Variants in KANSL1 observed in about 807,000 individuals in gnomAD.
The protein encoded by KANSL1 is KAT8 regulatory NSL complex subunit 1.
Under a neutral mutation model 103.6 loss-of-function variants are expected in KANSL1, and 22 were observed. The ratio of observed to expected loss-of-function variants is 0.21; its 90% confidence interval spans 0.15 to 0.30. The LOEUF is 0.30. Among genes scored for constraint, KANSL1 ranks in the 10% least tolerant of loss-of-function variants. The probability of loss-of-function intolerance (pLI) is 1.00; values close to 1 mark genes in which losing one functional copy is unlikely to be tolerated. For missense variants in KANSL1, 1,337 were observed against 1,399.8 expected, an observed-to-expected ratio of 0.96 and a Z score of 0.72; for synonymous variants, 600 against 527.6, an observed-to-expected ratio of 1.14 and a Z score of -1.88.
chr17:46,136,421 C>T (rs925151747), intron 2 of KANSL1, among the ~76,000 whole-genome samples: 5 of 152,186 alleles, frequency 3.3e-5, no homozygotes, highest in African/African-American at 9.7e-5. Flanking sequence ...TATATAGAGA[C>T]GGACCATATC....
At chr17:46,188,061 C>T (rs1443372218) in intron 1 of KANSL1, among the ~76,000 whole-genome samples, 1 of 152,172 alleles carries the variant, frequency 6.6e-6, no homozygotes, top group African/African-American at 2.4e-5. Context: ...GTTCTACATC[C>T]TAAAAGGCAC....
intron 2 of KANSL1, among the ~76,000 whole-genome samples, chr17:46,154,803 A>G (rs75788390): frequency 0.11 from 17,128 of 150,002 alleles, no homozygotes; most frequent in Non-Finnish European, 0.17. Flanking sequence ...CATATTATAC[A>G]TGGTTTATAT....
chr17:46,107,276 T>C (rs2042609090), intron 2 of KANSL1, among the ~76,000 whole-genome samples: 1 of 152,224 alleles, frequency 6.6e-6, no homozygotes, highest in South Asian at 2.1e-4. Flanking sequence ...TCTCTATTTC[T>C]TTTTACGGCA....
intron 1 of KANSL1, among the ~76,000 whole-genome samples, chr17:46,189,906 C>CA (rs55934305): frequency 0.19 from 20,946 of 112,094 alleles, 2,066 homozygotes; most frequent in East Asian, 0.46. Context: ...GACCCTGCCT[C>CA]AAAAAAAAAA....
Position 46,171,377 on chromosome 17 carries a change from G to A in KANSL1, c.767C>T (p.Ser256Phe), listed in dbSNP as rs537773238. ...CTCCAATTTGACACCCCCCAAGTTA[G>A]AGCTGGAGTCTGTACCAGGTGATAA... ...SRLSPGTDSS[S>F]NLGGVKLEGK... Residue 256 changes from serine (S) to phenylalanine (F), a missense_variant, in exon 2 of 15, where the codon TCT becomes TTT. Transcript: ENST00000432791. The A allele has an allele frequency of 4.1e-5, 66 of 1,614,174 alleles. No individual in the cohort carries two copies. In the East Asian group the frequency reaches 9.1e-4, roughly 22 times the overall value.
chr17:46,159,128 T>C (rs765714616), intron 2 of KANSL1, among the ~76,000 whole-genome samples: 2 of 152,226 alleles, frequency 1.3e-5, no homozygotes, highest in Non-Finnish European at 2.9e-5. Flanking sequence ...GGAAACTGCA[T>C]GCAATGCAGG....
chr17:46,089,448 G>A (rs1225217480), intron 3 of KANSL1, among the ~76,000 whole-genome samples: 3 of 146,528 alleles, frequency 2.0e-5, no homozygotes, highest in African/African-American at 2.5e-5. Context: ...ATGTTAATAA[G>A]CAACAAAGTA....
chr17:46,139,384 T>C (rs1227666937), intron 2 of KANSL1, among the ~76,000 whole-genome samples: 2 of 152,076 alleles, frequency 1.3e-5, no homozygotes, highest in South Asian at 2.1e-4. Context: ...GAATTCAAAA[T>C]TTTTAGTTCC....
intron 1 of KANSL1, among the ~76,000 whole-genome samples, chr17:46,218,640 G>C (rs1409495736): frequency 6.6e-6 from 1 of 152,022 alleles, no homozygotes; most frequent in Non-Finnish European, 1.5e-5. Context: ...AAAATAAGCC[G>C]GGCATGCTGG....
At position 46,039,084 on chromosome 17, in the gene KANSL1, GC is replaced by G; in HGVS notation, c.2334del (p.His779MetfsTer8). ...CTCATTTTGCTGTGGTTTGGGTCAT[GC>G]ACGGGTGGTGGTGGGTTGAGCAAGC... ...AERLLNPPPP[V>X]HDPNHSKMRL... On this transcript the variant is annotated frameshift_variant, in exon 9 of 15. Coordinates refer to ENST00000432791, the MANE Select transcript of KANSL1 (RefSeq NM_015443.4). LOFTEE classifies it high-confidence loss of function. 6.2e-7 allele frequency: 1 copy of G among 1,612,522 alleles called. No homozygotes were observed.
At chr17:46,180,111 T>G (rs193285209) in intron 1 of KANSL1, among the ~76,000 whole-genome samples, 120 of 151,868 alleles carry the variant, frequency 7.9e-4, no homozygotes, top group Admixed American at 1.3e-3. Context: ...AAAGCATATT[T>G]TAATAGAGGA....
intron 6 of KANSL1, among the ~76,000 whole-genome samples, chr17:46,062,527 T>C (rs948837067): frequency 6.6e-6 from 1 of 150,954 alleles, no homozygotes; most frequent in Admixed American, 6.6e-5. Context: ...CCCAGCTAAT[T>C]TTTGTATTTT....
chr17:46,171,873 G>A lies in KANSL1; in HGVS notation c.271C>T (p.Pro91Ser), dbSNP rs781684444. 2.5e-6 allele frequency: 4 copies of A among 1,614,258 alleles called. No individual in the cohort carries two copies. In the East Asian group the frequency reaches 8.9e-5, roughly 36 times the overall value. ...TGCAACTTCAAAGACTCCTTTGAGG[G>A]AACAGATGTTACATCAGAGCAGAGA... The part of the protein sequence containing the change: ...SYLCSDVTSV[P>S]SKESLKLQGV... Residue 91 changes from proline to serine, a missense_variant, in exon 2 of 15, where the codon CCC becomes TCC. Transcript: ENST00000432791.
chr17:46,084,901 C>A (rs1448822724), intron 3 of KANSL1, among the ~76,000 whole-genome samples: 2 of 152,104 alleles, frequency 1.3e-5, no homozygotes, highest in Non-Finnish European at 2.9e-5. Context: ...CAAATAAAAA[C>A]TATTTGCAAA....
At chr17:46,067,745 G>T (rs748545599) in intron 4 of KANSL1, 78 bp from the exon 5 acceptor site, 6 of 733,094 alleles carry the variant, frequency 8.2e-6, no homozygotes, top group Non-Finnish European at 1.4e-5. Context: ...CACTTCATTT[G>T]CACAAAGCAC....
chr17:46,128,376 G>T, intron 2 of KANSL1, among the ~76,000 whole-genome samples: 1 of 152,224 alleles, frequency 6.6e-6, no homozygotes, highest in Non-Finnish European at 1.5e-5. Context: ...CTTTGTTACA[G>T]CAGTGAACAA....
chr17:46,077,502 A>G (rs956496667), intron 4 of KANSL1, among the ~76,000 whole-genome samples: 1 of 152,094 alleles, frequency 6.6e-6, no homozygotes, highest in South Asian at 2.1e-4. Context: ...TTTGATTTTC[A>G]CGATTTTTAC....
chr17:46,063,081 T>A (rs1340535644), intron 6 of KANSL1, among the ~76,000 whole-genome samples: 1 of 152,106 alleles, frequency 6.6e-6, no homozygotes, highest in Non-Finnish European at 1.5e-5. Context: ...AAAACCTCAA[T>A]GAGTTCCCTC....
intron 1 of KANSL1, among the ~76,000 whole-genome samples, chr17:46,200,634 C>T (rs1470848049): frequency 2.6e-5 from 4 of 152,046 alleles, no homozygotes; most frequent in Non-Finnish European, 5.9e-5. Flanking sequence ...CCCAGCTACT[C>T]GGGAGGCTGA....
Sources: gnomAD v4.1 joint callset for allele counts (sites outside exome capture counted in the v4.1 genomes callset) on GRCh38, gnomAD v4.1.1 for gene constraint, MANE v1.5 for transcripts, NCBI Gene and HGNC (gene_info 2026-07-23, HGNC 2026-07-21) for gene names.